ABCB11: variants seen among roughly 807,000 people sequenced by gnomAD.
ABCB11 encodes bile salt export pump.
In ABCB11, 95 loss-of-function variants were observed where a neutral mutation model predicts 148.0. The observed-to-expected ratio is 0.64, with a 90% CI of 0.54 to 0.76. ABCB11 has a LOEUF of 0.76. ABCB11 is among the 30% of genes least tolerant of loss of function. ABCB11 has a pLI of 0.00. For missense variants in ABCB11, 1,523 were observed against 1,617.8 expected (o/e 0.94, Z 1.01); for synonymous variants, 591 against 555.4 (o/e 1.06, Z -0.90).
Position 169,014,333 on chromosome 2 carries a change from AC to A in ABCB11, c.119del (p.Gly40ValfsTer22). 1 of 1,613,428 alleles carries A rather than the reference AC, an allele frequency of 6.2e-7. No individual in the cohort carries two copies. The highest frequency in any genetic ancestry group is 8.5e-7 in the Non-Finnish European group (1 of 1,179,560). On this transcript the variant is annotated frameshift_variant, in exon 4 of 28. Transcript: ENST00000650372. LOFTEE classifies it high-confidence loss of function. ...GAAAGAAGCCAACTCTAACGCCATC[AC>A]CTTTCTTCTCATCTTGTAACCTGAT... ...KKSRLQDEKK[G>X]DGVRVGFFQL... is the part of the protein sequence containing the mutation.
chr2:168,917,651 T>C (rs766724705), downstream of ABCB11, among the ~76,000 whole-genome samples: 3 of 152,214 alleles, frequency 2.0e-5, no homozygotes, highest in Non-Finnish European at 2.9e-5. Flanking sequence ...CTTTCTTGCA[T>C]CCAAACTGAC....
chr2:169,020,397 A>G (rs1365788376), intron 1 of ABCB11, among the ~76,000 whole-genome samples: 1 of 152,188 alleles, frequency 6.6e-6, no homozygotes, highest in Non-Finnish European at 1.5e-5. Flanking sequence ...TAGTTTCTAA[A>G]TAAGCAAAGG....
intron 19 of ABCB11, among the ~76,000 whole-genome samples, chr2:168,957,011 A>C (rs1031404080): frequency 2.0e-5 from 3 of 151,590 alleles, no homozygotes; most frequent in African/African-American, 7.3e-5. Flanking sequence ...TTGTTTGATG[A>C]ATCCTAATGT....
chr2:168,917,202 C>CA (rs34174959), downstream of ABCB11, among the ~76,000 whole-genome samples: 97,756 of 151,636 alleles, frequency 0.64, 32,277 homozygotes, highest in East Asian at 0.92. Flanking sequence ...AGTTTTTGGA[C>CA]AAAAAAACTA....
intron 17 of ABCB11, among the ~76,000 whole-genome samples, chr2:168,967,711 A>G (rs1693378478): frequency 6.6e-6 from 1 of 151,910 alleles, no homozygotes; most frequent in South Asian, 2.1e-4. Flanking sequence ...ATCTTGAATA[A>G]CAGTTATAAA....
At chr2:169,030,448 T>G (rs563948008) in intron 1 of ABCB11, among the ~76,000 whole-genome samples, 297 of 152,300 alleles carry the variant, frequency 2.0e-3, no homozygotes, top group Middle Eastern at 3.4e-3. Flanking sequence ...ACTTCAAATG[T>G]TTAATAAAAA....
At chr2:168,933,353 C>T (rs918055495) in intron 23 of ABCB11, among the ~76,000 whole-genome samples, 18 of 152,162 alleles carry the variant, frequency 1.2e-4, no homozygotes, top group Admixed American at 5.2e-4. Context: ...TGCCTGTCTC[C>T]TTCTACTTGT....
intron 1 of ABCB11, among the ~76,000 whole-genome samples, chr2:169,024,980 A>G (rs1207072431): frequency 3.9e-5 from 6 of 152,148 alleles, no homozygotes; most frequent in Non-Finnish European, 8.8e-5. Flanking sequence ...CAGAGACTGT[A>G]ACATTTGCCG....
Position 169,018,126 on chromosome 2 carries a change from G to T in ABCB11, c.-1C>A, listed in dbSNP as rs774462710. On this transcript the variant is annotated 5_prime_UTR_variant, in exon 2 of 28. Transcript: ENST00000650372. ...TTCGAAGAATTACTGAGTCAGACAT[G>T]GTAATTGCAACCCACAGCCAACGAC... The T allele has an allele frequency of 6.2e-7, 1 of 1,613,230 alleles. No homozygotes were observed. Among genetic ancestry groups the T allele is most frequent in the South Asian group, 1.1e-5 (1 of 91,038 alleles).
intron 17 of ABCB11, among the ~76,000 whole-genome samples, chr2:168,967,292 C>T (rs544976492): frequency 1.3e-5 from 2 of 151,914 alleles, no homozygotes; most frequent in South Asian, 4.2e-4. Flanking sequence ...TTGCCAAATT[C>T]AGTAAATTCA....
At chr2:168,977,359 A>G (rs1693953948) in intron 11 of ABCB11, among the ~76,000 whole-genome samples, 1 of 152,104 alleles carries the variant, frequency 6.6e-6, no homozygotes, top group South Asian at 2.1e-4. Flanking sequence ...GTCCGAGGGT[A>G]TTCTTTTGAG....
At chr2:168,936,977 C>T (rs991657971) in intron 21 of ABCB11, among the ~76,000 whole-genome samples, 1 of 152,150 alleles carries the variant, frequency 6.6e-6, no homozygotes, top group African/African-American at 2.4e-5. Flanking sequence ...TAGCCTTGAC[C>T]TCCTGGACTC....
chr2:168,923,688 A>G lies in ABCB11; in HGVS notation c.3900T>C (p.His1300=). The G allele has an allele frequency of 1.2e-6, 2 of 1,613,710 alleles. No homozygotes were observed. Among genetic ancestry groups the G allele is most frequent in the Non-Finnish European group, 8.5e-7 (1 of 1,179,828 alleles). The change falls in exon 28 of 28, where the codon CAT becomes CAC. Residue 1300 remains histidine (H), a synonymous_variant. Transcript: ENST00000650372. ...AQGVVIEKGT[H]EELMAQKGAY... Reference sequence around the variant, plus strand: ...CTCCTTTTTGGGCCATCAGTTCTTCATGGGTCCCCTTTTCAATCACCACCC... The same window carrying G: ...CTCCTTTTTGGGCCATCAGTTCTTCGTGGGTCCCCTTTTCAATCACCACCC...
Position 168,944,629 on chromosome 2 carries a change from A to G in ABCB11, c.2586T>C (p.Ala862=), listed in dbSNP as rs1257115718. The change falls in exon 21 of 28, where the codon GCT becomes GCC. Residue 862 remains alanine, a synonymous_variant. Transcript: ENST00000650372. ...NSPGALTTRL[A]TDASQVQGAA... is the part of the protein sequence containing the mutation. ...CCCCTTGAACTTGGGAAGCATCTGT[A>G]GCAAGTCTTGTTGTCAATGCTCCAG... The G allele has an allele frequency of 6.2e-7, 1 of 1,609,906 alleles. No individual in the cohort carries two copies. The highest frequency in any genetic ancestry group is 1.1e-5 in the South Asian group (1 of 90,362).
chr2:168,973,610 T>C lies in ABCB11; in HGVS notation c.1434+105A>G. The C allele has an allele frequency of 4.3e-6, 6 of 1,397,616 alleles. No homozygotes were observed. The South Asian group carries it at 8.2e-5, about 19-fold the overall frequency. 86.6% of individuals were successfully genotyped at this position (1,397,616 alleles called of 1,614,324 possible). On this transcript the variant is annotated intron_variant, in intron 13 of 27. Coordinates refer to ENST00000650372, the MANE Select transcript of ABCB11 (RefSeq NM_003742.4). ...AACAAATCATTAAGTTAACTATGCA[T>C]GCCAGGACAGTCTCAATGTATGCTA...
chr2:168,926,418 G>T (rs1402881939), intron 26 of ABCB11, among the ~76,000 whole-genome samples: 1 of 152,004 alleles, frequency 6.6e-6, no homozygotes, highest in Non-Finnish European at 1.5e-5. Context: ...TTATTTTCTT[G>T]CATTTTGCAG....
intron 23 of ABCB11, among the ~76,000 whole-genome samples, chr2:168,934,243 T>C (rs1691716445): frequency 6.6e-6 from 1 of 152,096 alleles, no homozygotes; most frequent in African/African-American, 2.4e-5. Flanking sequence ...CCTAGCTGGG[T>C]GGGTGTAGTG....
rs534878935 is a variant in ABCB11, at chr2:168,922,222, G to A, written c.*1400C>T. ...ATCTCCTGCCAGAAGAGAGGGGCTG[G>A]GAGTTCTTCTGTTCATACACAGCTT... On this transcript the variant is annotated 3_prime_UTR_variant, in exon 28 of 28. Coordinates refer to ENST00000650372, the MANE Select transcript of ABCB11 (RefSeq NM_003742.4). Among the ~76,000 whole-genome samples, 1 of 152,234 alleles carries A rather than the reference G, an allele frequency of 6.6e-6. No homozygotes were observed. The highest frequency in any genetic ancestry group is 6.5e-5 in the Admixed American group (1 of 15,288).
intron 5 of ABCB11, among the ~76,000 whole-genome samples, chr2:169,010,569 G>A (rs1161207652): frequency 6.6e-6 from 1 of 152,130 alleles, no homozygotes; most frequent in African/African-American, 2.4e-5. Context: ...TACATCTATT[G>A]TAATAAAAGG....
Sources: allele counts gnomAD v4.1 joint callset (sites outside exome capture counted in the v4.1 genomes callset), GRCh38; gene constraint gnomAD v4.1.1; transcripts MANE v1.5; gene names NCBI Gene and HGNC (gene_info 2026-07-23, HGNC 2026-07-21).